DLC1: variants seen among roughly 807,000 people sequenced by gnomAD.
DLC1 encodes DLC1 Rho GTPase activating protein, also known as rho GTPase-activating protein 7.
In DLC1, 54 loss-of-function variants were observed where a neutral mutation model predicts 140.3. That is an observed-to-expected ratio of 0.38 (90% confidence interval 0.31 to 0.48). The LOEUF is 0.48. DLC1 is among the 20% of genes least tolerant of loss of function. The probability of loss-of-function intolerance (pLI) is 0.96; values close to 1 mark genes in which losing one functional copy is unlikely to be tolerated. For missense variants in DLC1, 2,536 were observed against 1,907.0 expected (o/e 1.33, Z -6.14); for synonymous variants, 986 against 728.1 (o/e 1.35, Z -5.70).
chr8:13,485,138 C>A (rs183571258), intron 2 of DLC1, among the ~76,000 whole-genome samples: 1 of 152,086 alleles, frequency 6.6e-6, no homozygotes, highest in Non-Finnish European at 1.5e-5. Flanking sequence ...TTCGTAGCTC[C>A]TTTATACTTT....
intron 5 of DLC1, among the ~76,000 whole-genome samples, chr8:13,137,311 G>A (rs945777395): frequency 6.6e-6 from 1 of 152,146 alleles, no homozygotes; most frequent in African/African-American, 2.4e-5. Flanking sequence ...AATGTTAGAA[G>A]GGATTTTTTA....
At chr8:13,086,237 C>G (rs1422683714) in intron 17 of DLC1, 53 bp downstream of exon 17, 5 of 1,568,858 alleles carry the variant, frequency 3.2e-6, no homozygotes, top group Middle Eastern at 1.7e-4. Context: ...GACAAAAAGT[C>G]AGAATTTCCT....
chr8:13,489,827 T>C (rs1011940492), intron 2 of DLC1, among the ~76,000 whole-genome samples: 1 of 152,250 alleles, frequency 6.6e-6, no homozygotes, highest in Non-Finnish European at 1.5e-5. Context: ...TAGATTCTAC[T>C]AGAATTTGCA....
chr8:13,440,251 A>C (rs1798445952), intron 2 of DLC1, among the ~76,000 whole-genome samples: 1 of 152,196 alleles, frequency 6.6e-6, no homozygotes, highest in African/African-American at 2.4e-5. Context: ...GTTGAGAGAA[A>C]CAATGAAATC....
intron 4 of DLC1, among the ~76,000 whole-genome samples, chr8:13,324,261 T>C (rs1019468799): frequency 1.3e-5 from 2 of 152,212 alleles, no homozygotes; most frequent in African/African-American, 4.8e-5. Flanking sequence ...GTAGTAGACA[T>C]GTCTCTAGTG....
At chr8:13,554,083 T>C (rs1366235001) in intron 1 of DLC1, among the ~76,000 whole-genome samples, 1 of 152,144 alleles carries the variant, frequency 6.6e-6, no homozygotes, top group South Asian at 2.1e-4. Flanking sequence ...TTTTGTTTTT[T>C]TGAGACAGAG....
intron 4 of DLC1, among the ~76,000 whole-genome samples, chr8:13,369,176 C>T (rs1207268524): frequency 6.6e-6 from 1 of 152,102 alleles, no homozygotes; most frequent in African/African-American, 2.4e-5. Flanking sequence ...CCTCAATAGT[C>T]TGTAAGTGCC....
intron 5 of DLC1, among the ~76,000 whole-genome samples, chr8:13,191,581 A>G (rs1826758372): frequency 6.6e-6 from 1 of 152,250 alleles, no homozygotes; most frequent in South Asian, 2.1e-4. Flanking sequence ...TGAAGACAGT[A>G]TTTAAGATGC....
chr8:13,513,645 G>T (rs1802473955), intron 1 of DLC1, among the ~76,000 whole-genome samples: 1 of 151,952 alleles, frequency 6.6e-6, no homozygotes, highest in South Asian at 2.1e-4. Flanking sequence ...TAAATATTCA[G>T]AAATATAACA....
chr8:13,135,734 G>C (rs1585736729), intron 5 of DLC1, among the ~76,000 whole-genome samples: 1 of 151,854 alleles, frequency 6.6e-6, no homozygotes, highest in African/African-American at 2.4e-5. Context: ...ATTTAATTAG[G>C]TTCCCAGGAG....
At chr8:13,376,552 G>C (rs933553236) in intron 4 of DLC1, among the ~76,000 whole-genome samples, 1 of 152,176 alleles carries the variant, frequency 6.6e-6, no homozygotes, top group Non-Finnish European at 1.5e-5. Flanking sequence ...AGTAGAACGT[G>C]TGATTTTGTT....
At chr8:13,123,664 T>G (rs1255429141) in intron 5 of DLC1, among the ~76,000 whole-genome samples, 1 of 152,128 alleles carries the variant, frequency 6.6e-6, no homozygotes, top group Non-Finnish European at 1.5e-5. Context: ...CTCTCCCTCT[T>G]TTCCTGTTTT....
chr8:13,258,446 T>G (rs985690803), intron 5 of DLC1, among the ~76,000 whole-genome samples: 5 of 152,210 alleles, frequency 3.3e-5, no homozygotes, highest in African/African-American at 1.2e-4. Flanking sequence ...CCCATATATA[T>G]TCCCATTTAC....
chr8:13,585,819 T>C (rs192734633), intron 1 of DLC1, among the ~76,000 whole-genome samples: 55 of 152,338 alleles, frequency 3.6e-4, no homozygotes, highest in African/African-American at 1.1e-3. Flanking sequence ...ATAGGGACAC[T>C]GGGTGTATTA....
intron 1 of DLC1, among the ~76,000 whole-genome samples, chr8:13,504,593 AGGTAAGCAAAT>A (rs1224942183): frequency 2.6e-5 from 4 of 152,208 alleles, no homozygotes; most frequent in African/African-American, 9.6e-5. Flanking sequence ...AGAACATAGG[AGGTAAGCAAAT>A]GGTTCTAAAT....
intron 2 of DLC1, among the ~76,000 whole-genome samples, chr8:13,417,364 C>G (rs534586387): frequency 6.7e-6 from 1 of 149,722 alleles, no homozygotes; most frequent in East Asian, 2.0e-4. Context: ...CCCACCTCCC[C>G]CCACCCAACA....
chr8:13,323,575 A>G (rs1179405658), intron 4 of DLC1, among the ~76,000 whole-genome samples: 1 of 152,186 alleles, frequency 6.6e-6, no homozygotes, highest in African/African-American at 2.4e-5. Context: ...GCTCTCTTGT[A>G]TATTTTAAGT....
upstream of DLC1, among the ~76,000 whole-genome samples, chr8:13,518,187 C>T (rs1469420767): frequency 6.6e-6 from 1 of 151,624 alleles, no homozygotes; most frequent in Middle Eastern, 3.2e-3. Flanking sequence ...CGGCTCAAGG[C>T]AACCTCCGCC....
At chr8:13,568,340 C>A (rs1256589292) in intron 1 of DLC1, 3 of 183,780 alleles carry the variant, frequency 1.6e-5, no homozygotes, top group African/African-American at 4.8e-5. Context: ...TTCATTAAGA[C>A]AGGAACACCA....
Sources: allele counts gnomAD v4.1 joint callset (sites outside exome capture counted in the v4.1 genomes callset), GRCh38; gene constraint gnomAD v4.1.1; transcripts MANE v1.5; gene names NCBI Gene and HGNC (gene_info 2026-07-23, HGNC 2026-07-21).